QPCT: variants seen among roughly 807,000 people sequenced by gnomAD.
QPCT encodes the protein EC.
Under a neutral mutation model 43.4 loss-of-function variants are expected in QPCT, and 44 were observed. The observed-to-expected ratio is 1.01, with a 90% CI of 0.80 to 1.30. QPCT has a LOEUF of 1.30. Ranked by LOEUF, QPCT falls within the 50% of genes most tolerant of loss-of-function variation. The pLI, the probability that QPCT is intolerant of heterozygous loss-of-function variation, is 0.00. For synonymous variants in QPCT, 168 were observed against 168.4 expected, an observed-to-expected ratio of 1.00 and a Z score of 0.02; for missense variants, 526 against 436.5, an observed-to-expected ratio of 1.21 and a Z score of -1.83.
At position 37,352,850 on chromosome 2, in the gene QPCT, G is replaced by C. The variant is rs781496429; in HGVS notation, c.182G>C (p.Ser61Thr). Reference protein sequence around the residue: ...SALRQIAEGTSISEMWQNDLQ... With the variant: ...SALRQIAEGTTISEMWQNDLQ... The stretch of plus-strand genomic sequence containing the variant: ...CTTCGGCAAATTGCAGAAGGCACCA[G>C]TATCTCTGAAATGTGGCAAAATGAC... The change falls in exon 2 of 7, where the codon AGT becomes ACT. Residue 61 changes from serine to threonine, a missense_variant. Ser to Thr is a moderately conservative substitution (Grantham distance 58). Coordinates refer to ENST00000338415, the MANE Select transcript of QPCT (RefSeq NM_012413.4). The C allele has an allele frequency of 1.9e-6, 3 of 1,614,090 alleles. No homozygotes were observed. The highest frequency in any genetic ancestry group is 1.1e-5 in the South Asian group (1 of 91,090).
chr2:37,362,941 A>AT (rs35157042), intron 3 of QPCT, among the ~76,000 whole-genome samples: 20,861 of 152,180 alleles, frequency 0.14, 4,414 homozygotes, highest in African/African-American at 0.45. Context: ...ATGAGAAAAT[A>AT]TTTTTCTGGA....
chr2:37,366,892 G>A (rs1040050968), intron 3 of QPCT, among the ~76,000 whole-genome samples: 5 of 152,230 alleles, frequency 3.3e-5, no homozygotes, highest in African/African-American at 4.8e-5. Flanking sequence ...TCCAGCAGCT[G>A]AGGCAACACA....
rs181411124 is a variant in QPCT, at chr2:37,372,850, A to G, written c.*23A>G. The G allele has an allele frequency of 1.3e-6, 2 of 1,573,768 alleles. No individual in the cohort carries two copies. The highest frequency in any genetic ancestry group is 2.7e-5 in the African/African-American group (2 of 73,464). On this transcript the variant is annotated 3_prime_UTR_variant, in exon 7 of 7. Coordinates refer to ENST00000338415, the MANE Select transcript of QPCT (RefSeq NM_012413.4). The stretch of plus-strand genomic sequence containing the variant: ...TAATACTCTGATTTAGTTTAGGATA[A>G]TTGGTTCTAGAATTGAATTCAAAAG...
chr2:37,347,141 GTT>G (rs796387281), intron 1 of QPCT, among the ~76,000 whole-genome samples: 2 of 18,218 alleles, frequency 1.1e-4, no homozygotes, highest in Middle Eastern at 0.021. Context: ...GGTATGGGGT[GTT>G]TTATATATAT....
chr2:37,346,225 C>G (rs1038135946), intron 1 of QPCT, among the ~76,000 whole-genome samples: 1 of 152,182 alleles, frequency 6.6e-6, no homozygotes, highest in African/African-American at 2.4e-5. Context: ...CACATGGAGA[C>G]CACAGGCCAC....
intron 1 of QPCT, among the ~76,000 whole-genome samples, chr2:37,349,413 A>G (rs1023089524): frequency 3.3e-5 from 5 of 152,144 alleles, no homozygotes; most frequent in African/African-American, 1.2e-4. Flanking sequence ...GTAGTTAAAG[A>G]TGCTTGGGGG....
intron 2 of QPCT, among the ~76,000 whole-genome samples, chr2:37,357,236 TA>T (rs1465462194): frequency 6.6e-6 from 1 of 152,164 alleles, no homozygotes; most frequent in Non-Finnish European, 1.5e-5. Context: ...GAAGCCATTT[TA>T]TGGAGCATTT....
chr2:37,359,975 A>T (rs1489197452), intron 3 of QPCT, 117 bp downstream of exon 3: 3 of 1,089,332 alleles, frequency 2.8e-6, no homozygotes, highest in African/African-American at 1.6e-5. Flanking sequence ...CTTTTGGTAC[A>T]TTTTTATTAT....
At chr2:37,370,376 T>C (rs1187698086) in intron 5 of QPCT, among the ~76,000 whole-genome samples, 1 of 152,188 alleles carries the variant, frequency 6.6e-6, no homozygotes, top group Non-Finnish European at 1.5e-5. Context: ...TGCACATCCT[T>C]AAAAATGGTT....
In QPCT at chr2:37,367,403, G is replaced by A; in HGVS notation, c.718G>A (p.Gly240Ser). The A allele has an allele frequency of 6.2e-7, 1 of 1,613,182 alleles. No individual in the cohort carries two copies. The highest frequency in any genetic ancestry group is 8.5e-7 in the Non-Finnish European group (1 of 1,179,662). ...AGCGAGAGGCACCAGCCAACTGCAT[G>A]GCATGGTTAGTCTGGGCAATTTCCC... ...PGARGTSQLH[G>S]MDLLVLLDLI... The change falls in exon 4 of 7, where the codon GGC becomes AGC. Residue 240 changes from glycine to serine, a missense_variant. By Grantham distance (56) the Gly-to-Ser change is moderately conservative. Transcript: ENST00000338415.
chr2:37,369,725 C>A lies in QPCT; in HGVS notation c.764C>A (p.Pro255Gln). Residue 255 changes from proline to glutamine, a missense_variant, in exon 5 of 7, where the codon CCA becomes CAA. By Grantham distance (76) the Pro-to-Gln change is moderately conservative (BLOSUM62 -1). Transcript: ENST00000338415. Reference protein sequence around the residue: ...VLLDLIGAPNPTFPNFFPNSA... With the variant: ...VLLDLIGAPNQTFPNFFPNSA... ...TTGGATTTGATTGGAGCTCCAAACC[C>A]AACGTTTCCCAATTTTTTTCCAAAC... 6.2e-7 allele frequency: 1 copy of A among 1,609,434 alleles called. No individual in the cohort carries two copies. The highest frequency in any genetic ancestry group is 8.5e-7 in the Non-Finnish European group (1 of 1,175,670).
chr2:37,371,431 C>CAAAAAAAAAAA (rs3050580), intron 5 of QPCT, among the ~76,000 whole-genome samples: 5 of 69,368 alleles, frequency 7.2e-5, no homozygotes, highest in African/African-American at 9.4e-5. Context: ...GACTCCATCT[C>CAAAAAAAAAAA]AAAAAAAAAA....
intron 1 of QPCT, among the ~76,000 whole-genome samples, chr2:37,346,162 A>G (rs1254980847): frequency 6.6e-6 from 1 of 152,208 alleles, no homozygotes; most frequent in African/African-American, 2.4e-5. Flanking sequence ...GCCCATTTCA[A>G]TTCTTCGGAT....
intron 4 of QPCT, among the ~76,000 whole-genome samples, chr2:37,369,268 A>G (rs1673025179): frequency 6.6e-6 from 1 of 152,252 alleles, no homozygotes; most frequent in Non-Finnish European, 1.5e-5. Flanking sequence ...GTTACTGTCC[A>G]AGTGCCTTCC....
Position 37,347,164 on chromosome 2 carries a change from A to ATATATAT in QPCT, c.120+2313_120+2314insTATATAT, listed in dbSNP as rs555548922. On this transcript the variant is annotated intron_variant, in intron 1 of 6. Transcript: ENST00000338415. The stretch of plus-strand genomic sequence containing the variant: ...GTGTTTTATATATATATATATATAT[A>ATATATAT]ACATATATATATATAACATATATAT... Among the ~76,000 whole-genome samples the ATATATAT allele has an allele frequency of 2.3e-3, 68 of 29,776 alleles. 9 individuals are homozygous for ATATATAT. The highest frequency in any genetic ancestry group is 2.4e-3 in the Non-Finnish European group (48 of 19,920). The allele number at this position is 29,776 out of a possible 152,430, so 19.5% of individuals were successfully genotyped here. A position where few individuals can be genotyped will look rare whatever the true frequency, so the allele number is the denominator to read the frequency against.
At chr2:37,354,672 C>CCAT (rs1672704230) in intron 2 of QPCT, among the ~76,000 whole-genome samples, 1 of 152,110 alleles carries the variant, frequency 6.6e-6, no homozygotes, top group African/African-American at 2.4e-5. Flanking sequence ...GAGGCACATA[C>CCAT]CATTCACTTT....
intron 5 of QPCT, 113 bp downstream of exon 5, chr2:37,369,897 A>G (rs1673039898): frequency 1.0e-6 from 1 of 965,508 alleles, no homozygotes; most frequent in Non-Finnish European, 1.6e-6. Flanking sequence ...CACACCTGTA[A>G]TCCTAGCACT....
intron 1 of QPCT, among the ~76,000 whole-genome samples, chr2:37,352,128 T>C (rs1243649162): frequency 6.6e-6 from 1 of 152,114 alleles, no homozygotes; most frequent in Non-Finnish European, 1.5e-5. Context: ...ATTTTAATAA[T>C]ATACTTCATT....
In QPCT at chr2:37,373,005, T is replaced by G; in HGVS notation, c.*178T>G. 1 of 478,952 alleles carries G rather than the reference T, an allele frequency of 2.1e-6. No homozygotes were observed. Among genetic ancestry groups the G allele is most frequent in the Non-Finnish European group, 3.5e-6 (1 of 287,362 alleles). 29.7% of individuals were successfully genotyped at this position (478,952 alleles called of 1,614,324 possible). On this transcript the variant is annotated 3_prime_UTR_variant, in exon 7 of 7. Coordinates refer to ENST00000338415, the MANE Select transcript of QPCT (RefSeq NM_012413.4). ...ACAGAATAATTGTGTTGTGATATTG[T>G]GTCCTAAATTGCTCATTAATTTTTA...
Sources: gnomAD v4.1 joint callset for allele counts (sites outside exome capture counted in the v4.1 genomes callset) on GRCh38, gnomAD v4.1.1 for gene constraint, MANE v1.5 for transcripts, NCBI Gene and HGNC (gene_info 2026-07-23, HGNC 2026-07-21) for gene names.